Variants in ARB2A observed in about 807,000 individuals in gnomAD.
ARB2A encodes the protein ARB2 cotranscriptional regulator A, also known as cotranscriptional regulator ARB2A.
the ARB2A span, among the ~76,000 whole-genome samples, chr5:94,091,031 G>A: frequency 3.9e-4 from 60 of 152,290 alleles, 1 homozygote; most frequent in African/African-American, 1.4e-3. Context: ...ATGTAATTCA[G>A]TTCATTATTA....
chr5:93,773,068 G>T, the ARB2A span, among the ~76,000 whole-genome samples: 14 of 152,262 alleles, frequency 9.2e-5, no homozygotes, highest in Non-Finnish European at 1.9e-4. Flanking sequence ...CCCAATTCTG[G>T]GAATAAAGGC....
chr5:93,851,634 T>C, the ARB2A span, among the ~76,000 whole-genome samples: 1 of 152,112 alleles, frequency 6.6e-6, no homozygotes, highest in Non-Finnish European at 1.5e-5. Flanking sequence ...GCCCAGAGTG[T>C]GATGTTCCCC....
the ARB2A span, among the ~76,000 whole-genome samples, chr5:93,622,413 C>A: frequency 1.3e-5 from 2 of 152,244 alleles, no homozygotes; most frequent in Non-Finnish European, 2.9e-5. Context: ...CTTTCCCCTT[C>A]AGCTATTCGC....
At chr5:94,067,585 C>A in the ARB2A span, among the ~76,000 whole-genome samples, 2 of 151,834 alleles carry the variant, frequency 1.3e-5, no homozygotes, top group African/African-American at 4.8e-5. Context: ...TTTACAACAG[C>A]TATAAGAAAA....
At chr5:93,744,247 C>T in the ARB2A span, among the ~76,000 whole-genome samples, 1 of 151,458 alleles carries the variant, frequency 6.6e-6, no homozygotes, top group African/African-American at 2.4e-5. Context: ...CCAGCCTGAC[C>T]AATCTGGTGA....
chr5:93,800,257 T>G, the ARB2A span, among the ~76,000 whole-genome samples: 376 of 152,190 alleles, frequency 2.5e-3, 1 homozygote, highest in African/African-American at 8.7e-3. Context: ...TTTCTTTTCA[T>G]TCAGGATGTA....
the ARB2A span, among the ~76,000 whole-genome samples, chr5:93,953,220 G>A: frequency 4.6e-5 from 7 of 152,094 alleles, no homozygotes; most frequent in South Asian, 2.1e-4. Flanking sequence ...GATGTTTGTC[G>A]GTATCTGGGC....
At chr5:93,643,305 G>C in the ARB2A span, among the ~76,000 whole-genome samples, 3 of 152,210 alleles carry the variant, frequency 2.0e-5, no homozygotes, top group Non-Finnish European at 1.5e-5. Flanking sequence ...AAAGAGGGTA[G>C]GGAGTCCCTG....
the ARB2A span, among the ~76,000 whole-genome samples, chr5:93,938,235 C>T: frequency 6.6e-6 from 1 of 151,980 alleles, no homozygotes; most frequent in African/African-American, 2.4e-5. Flanking sequence ...AATTAAATAC[C>T]TAATAGGCAA....
At chr5:93,884,832 T>G in the ARB2A span, among the ~76,000 whole-genome samples, 1 of 151,574 alleles carries the variant, frequency 6.6e-6, no homozygotes, top group African/African-American at 2.4e-5. Context: ...ATAACCATTT[T>G]GTAATGAGTA....
chr5:94,052,160 T>A, the ARB2A span, among the ~76,000 whole-genome samples: 2 of 152,094 alleles, frequency 1.3e-5, no homozygotes, highest in Non-Finnish European at 2.9e-5. Context: ...AGCATGTTTA[T>A]AAGGAGAAAA....
At chr5:93,996,717 G>C in the ARB2A span, among the ~76,000 whole-genome samples, 4 of 152,074 alleles carry the variant, frequency 2.6e-5, no homozygotes, top group Admixed American at 2.6e-4. Flanking sequence ...AACAACTGGT[G>C]CCTTGAAAAT....
At chr5:93,771,168 G>C in the ARB2A span, among the ~76,000 whole-genome samples, 1 of 151,818 alleles carries the variant, frequency 6.6e-6, no homozygotes, top group African/African-American at 2.4e-5. Flanking sequence ...ACAACTATCT[G>C]ATCTTTGACA....
At chr5:93,704,378 A>G in the ARB2A span, among the ~76,000 whole-genome samples, 5 of 151,986 alleles carry the variant, frequency 3.3e-5, no homozygotes, top group Non-Finnish European at 5.9e-5. Flanking sequence ...GCATAGGGAG[A>G]CTCTGTCTCT....
the ARB2A span, among the ~76,000 whole-genome samples, chr5:94,087,979 T>A: frequency 6.6e-6 from 1 of 152,186 alleles, no homozygotes; most frequent in Non-Finnish European, 1.5e-5. Flanking sequence ...TCAGAAAATA[T>A]CCCCAACATT....
At chr5:94,037,580 C>T in the ARB2A span, among the ~76,000 whole-genome samples, 2 of 152,226 alleles carry the variant, frequency 1.3e-5, no homozygotes, top group Middle Eastern at 3.4e-3. Flanking sequence ...TTCTTCACAA[C>T]AGAATAAATA....
chr5:94,047,456 C>T, the ARB2A span, among the ~76,000 whole-genome samples: 14 of 122,860 alleles, frequency 1.1e-4, no homozygotes, highest in East Asian at 6.5e-4. Flanking sequence ...TGAGCTGAGG[C>T]GCCTGGCGCC....
At chr5:93,939,825 G>T in the ARB2A span, among the ~76,000 whole-genome samples, 3 of 151,998 alleles carry the variant, frequency 2.0e-5, no homozygotes, top group Non-Finnish European at 4.4e-5. Context: ...TTCATCGTAA[G>T]TTCTACTCTA....
At chr5:93,856,778 A>G in the ARB2A span, among the ~76,000 whole-genome samples, 1 of 151,964 alleles carries the variant, frequency 6.6e-6, no homozygotes, top group Non-Finnish European at 1.5e-5. Flanking sequence ...TTCTTCTCTC[A>G]ACTCATCAAA....
Sources: allele counts gnomAD v4.1 joint callset (sites outside exome capture counted in the v4.1 genomes callset), GRCh38; gene constraint gnomAD v4.1.1; transcripts MANE v1.5; gene names NCBI Gene and HGNC (gene_info 2026-07-23, HGNC 2026-07-21).